The following MVP variants were observed in gnomAD, a reference collection of about 807,000 sequenced individuals.
The protein encoded by MVP is major vault protein.
In MVP, 62 loss-of-function variants were observed where a neutral mutation model predicts 83.5. The ratio of observed to expected loss-of-function variants is 0.74; its 90% CI spans 0.61 to 0.92. The LOEUF (loss-of-function observed/expected upper bound fraction) is 0.92, where lower values mean the gene tolerates loss of function less well. Among genes scored for constraint, MVP ranks in the 40% least tolerant of loss-of-function variants. MVP has a pLI of 0.00. For synonymous variants in MVP, 505 were observed against 504.1 expected (o/e 1.00, Z -0.02); for missense variants, 1,000 against 1,203.4 (o/e 0.83, Z 2.50).
intron 7 of MVP, among the ~76,000 whole-genome samples, chr16:29,837,618 G>T (rs2067498972): frequency 6.6e-6 from 1 of 152,028 alleles, no homozygotes; most frequent in Admixed American, 6.6e-5. Context: ...GCCAGGTGTG[G>T]TGGCACACAC....
In MVP at chr16:29,830,682, T is replaced by C. The variant is rs2067434674; in HGVS notation, c.125+8T>C. 6.2e-7 allele frequency: 1 copy of C among 1,612,516 alleles called. No homozygotes were observed. ...CCGGCAGGACAATGAGAGGTGGGTG[T>C]GGGGGCTGGGCTGTGGGGGATCCTT... On this transcript the variant is annotated splice_region_variant and intron_variant, in intron 2 of 14. Coordinates refer to ENST00000357402, the MANE Select transcript of MVP (RefSeq NM_005115.5).
intron 7 of MVP, among the ~76,000 whole-genome samples, chr16:29,839,756 A>T (rs900945503): frequency 1.6e-4 from 21 of 127,988 alleles, no homozygotes; most frequent in African/African-American, 5.9e-4. Context: ...TGCACTATCC[A>T]GCCTGGGCAA....
intron 1 of MVP, 132 bp from the exon 2 acceptor site, chr16:29,830,383 G>A (rs370326575): frequency 2.3e-5 from 16 of 689,552 alleles, no homozygotes; most frequent in African/African-American, 1.4e-4. Flanking sequence ...ATGCAGATGC[G>A]GACAGGGAAG....
At chr16:29,843,562 G>GAGGA (rs1567395373) in intron 10 of MVP, among the ~76,000 whole-genome samples, 6 of 49,944 alleles carry the variant, frequency 1.2e-4, no homozygotes, top group African/African-American at 4.0e-4. Context: ...GGGAGGGAGG[G>GAGGA]AGGGAGGGAG....
At chr16:29,820,543 A>G (rs1419482662) in intron 1 of MVP, 33 bp downstream of exon 1, 2 of 152,238 alleles carry the variant, frequency 1.3e-5, no homozygotes, top group Non-Finnish European at 2.9e-5. Context: ...CCAAACCCCA[A>G]ATCAGGGGCA....
chr16:29,840,544 A>G, intron 8 of MVP, 85 bp downstream of exon 8: 6 of 1,458,800 alleles, frequency 4.1e-6, no homozygotes, highest in Non-Finnish European at 4.6e-6. Context: ...AGAGGTGGGC[A>G]GGGACTTCAG....
In MVP at chr16:29,844,440, G is replaced by A. The variant is rs565238941; in HGVS notation, c.1635-53G>A. On this transcript the variant is annotated intron_variant, in intron 10 of 14. Transcript: ENST00000357402. ...ATGGCAAGACCTTGTCTCTTCTAAA[G>A]AGAGATTCCTGGGTGAAAGCAGCTT... is the stretch of plus-strand genomic sequence containing the variant. 3.5e-4 allele frequency: 531 copies of A among 1,514,604 alleles called. 6 individuals are homozygous for A. The African/African-American group carries it at 7.1e-3, about 20-fold the overall frequency. 93.8% of individuals were successfully genotyped at this position (1,514,604 alleles called of 1,614,324 possible). A position where few individuals can be genotyped will look rare whatever the true frequency, so the allele number is the denominator to read the frequency against.
Sources: gnomAD v4.1 joint callset for allele counts (sites outside exome capture counted in the v4.1 genomes callset) on GRCh38, gnomAD v4.1.1 for gene constraint, MANE v1.5 for transcripts, NCBI Gene and HGNC (gene_info 2026-07-23, HGNC 2026-07-21) for gene names.